Variants in ADGRB3 observed in about 807,000 individuals in gnomAD.
The protein encoded by ADGRB3 is brain-specific angiogenesis inhibitor 3.
In ADGRB3, 37 loss-of-function variants were observed where a neutral mutation model predicts 193.4. That is an observed-to-expected ratio of 0.19 (90% CI 0.15 to 0.25). The LOEUF is 0.25. Among genes scored for constraint, ADGRB3 ranks in the 10% least tolerant of loss-of-function variants. The pLI is 1.00. For synonymous variants in ADGRB3, 690 were observed against 644.2 expected (o/e 1.07, Z -1.08); for missense variants, 1,637 against 1,852.9 (o/e 0.88, Z 2.14).
intron 17 of ADGRB3, among the ~76,000 whole-genome samples, chr6:69,228,006 A>G (rs971389661): frequency 3.3e-5 from 5 of 152,246 alleles, no homozygotes; most frequent in Non-Finnish European, 7.3e-5. Flanking sequence ...CTGTAATCCC[A>G]GCACTTTGGG....
intron 3 of ADGRB3, among the ~76,000 whole-genome samples, chr6:68,920,284 G>C (rs373771994): frequency 6.6e-6 from 1 of 152,042 alleles, no homozygotes; most frequent in Non-Finnish European, 1.5e-5. Flanking sequence ...TTGGGAGGCC[G>C]AGGCAGGTGG....
intron 3 of ADGRB3, among the ~76,000 whole-genome samples, chr6:68,825,349 C>T (rs1413242487): frequency 1.3e-5 from 2 of 152,160 alleles, no homozygotes; most frequent in Non-Finnish European, 2.9e-5. Flanking sequence ...TTTGCTTTTG[C>T]TAGATAACTC....
intron 3 of ADGRB3, among the ~76,000 whole-genome samples, chr6:68,681,718 AAAC>A (rs141206925): frequency 0.061 from 8,849 of 145,688 alleles, 839 homozygotes; most frequent in African/African-American, 0.2. Flanking sequence ...ACAACATCAA[AAAC>A]AACAAAAATT....
intron 3 of ADGRB3, among the ~76,000 whole-genome samples, chr6:68,684,409 T>G (rs1055481670): frequency 6.6e-6 from 1 of 152,220 alleles, no homozygotes; most frequent in African/African-American, 2.4e-5. Context: ...TTCCATCTTT[T>G]TATAATAATC....
At chr6:69,136,527 T>C (rs1487177434) in intron 17 of ADGRB3, among the ~76,000 whole-genome samples, 1 of 152,274 alleles carries the variant, frequency 6.6e-6, no homozygotes, top group East Asian at 1.9e-4. Flanking sequence ...AATATTAAAT[T>C]CATCATCTGC....
intron 16 of ADGRB3, 150 bp from the exon 17 acceptor site, chr6:69,075,845 A>G (rs546423401): frequency 2.7e-5 from 17 of 630,742 alleles, no homozygotes; most frequent in Non-Finnish European, 4.6e-5. Flanking sequence ...ACGAAATGCA[A>G]ATTTCTTATA....
intron 3 of ADGRB3, among the ~76,000 whole-genome samples, chr6:68,702,936 C>T (rs968569000): frequency 6.6e-6 from 1 of 151,976 alleles, no homozygotes; most frequent in African/African-American, 2.4e-5. Context: ...TGACTTTTGG[C>T]CATTATTGCA....
At chr6:69,276,663 G>A (rs1767309824) in intron 20 of ADGRB3, among the ~76,000 whole-genome samples, 1 of 152,120 alleles carries the variant, frequency 6.6e-6, no homozygotes, top group Admixed American at 6.5e-5. Context: ...TGATCTCAGG[G>A]CTTTTCTGAG....
intron 12 of ADGRB3, among the ~76,000 whole-genome samples, chr6:69,016,862 CA>C (rs1225449372): frequency 6.6e-6 from 1 of 151,706 alleles, no homozygotes; most frequent in Non-Finnish European, 1.5e-5. Flanking sequence ...TTATTTTCAA[CA>C]CAAAAAAATA....
intron 20 of ADGRB3, among the ~76,000 whole-genome samples, chr6:69,243,068 A>G (rs1766417754): frequency 6.6e-6 from 1 of 151,932 alleles, no homozygotes; most frequent in Non-Finnish European, 1.5e-5. Flanking sequence ...AATTTATCAT[A>G]TTGAAGATTT....
intron 3 of ADGRB3, among the ~76,000 whole-genome samples, chr6:68,735,195 T>C (rs562194845): frequency 6.6e-6 from 1 of 152,120 alleles, no homozygotes; most frequent in South Asian, 2.1e-4. Context: ...AAAAATATTG[T>C]CGAATGAATG....
chr6:68,938,081 A>G (rs1383390411), intron 5 of ADGRB3, among the ~76,000 whole-genome samples: 2 of 152,134 alleles, frequency 1.3e-5, no homozygotes, highest in Non-Finnish European at 1.5e-5. Flanking sequence ...AAAGCTAAGC[A>G]GGGCAGAAAA....
intron 17 of ADGRB3, among the ~76,000 whole-genome samples, chr6:69,196,854 A>G (rs1765309140): frequency 6.6e-6 from 1 of 152,116 alleles, no homozygotes; most frequent in African/African-American, 2.4e-5. Flanking sequence ...GTGATTTGTC[A>G]TCTAATGAAG....
chr6:68,755,470 A>C (rs1766282141), intron 3 of ADGRB3, among the ~76,000 whole-genome samples: 2 of 152,272 alleles, frequency 1.3e-5, no homozygotes, highest in South Asian at 4.1e-4. Flanking sequence ...GCTCACAATC[A>C]ATTTGATGGT....
At chr6:68,840,775 G>C (rs763902560) in intron 3 of ADGRB3, among the ~76,000 whole-genome samples, 10 of 152,078 alleles carry the variant, frequency 6.6e-5, no homozygotes, top group South Asian at 6.2e-4. Flanking sequence ...ATTGAATGTA[G>C]ATGGACTAAA....
chr6:68,772,894 A>AATATATATATATATATAT (rs1208790675), intron 3 of ADGRB3, among the ~76,000 whole-genome samples: 1 of 22,888 alleles, frequency 4.4e-5, no homozygotes, highest in Non-Finnish European at 7.4e-5. Flanking sequence ...AAAAAAAAAA[A>AATATATATATATATATAT]ATATATATAT....
intron 17 of ADGRB3, among the ~76,000 whole-genome samples, chr6:69,211,525 T>C (rs1315722943): frequency 6.6e-6 from 1 of 152,154 alleles, no homozygotes. Flanking sequence ...AAGAACACTA[T>C]CAGGTAGAAA....
At chr6:68,942,010 C>T (rs566952507) in intron 5 of ADGRB3, among the ~76,000 whole-genome samples, 2 of 151,034 alleles carry the variant, frequency 1.3e-5, no homozygotes, top group East Asian at 1.9e-4. Context: ...TATTTTTTGT[C>T]ACCCTCTTTT....
intron 3 of ADGRB3, among the ~76,000 whole-genome samples, chr6:68,796,775 A>G (rs949002778): frequency 2.0e-5 from 3 of 152,208 alleles, no homozygotes. Flanking sequence ...TGAGTTTGGC[A>G]GACCACAGGT....
Sources: allele counts gnomAD v4.1 joint callset (sites outside exome capture counted in the v4.1 genomes callset), GRCh38; gene constraint gnomAD v4.1.1; transcripts MANE v1.5; gene names NCBI Gene and HGNC (gene_info 2026-07-23, HGNC 2026-07-21).